The following GPHN variants were observed in gnomAD, a reference collection of about 807,000 sequenced individuals.
GPHN encodes gephyrin.
A neutral mutation model predicts 95.5 loss-of-function variants in GPHN; 17 were observed. That is an observed-to-expected ratio of 0.18 (90% CI 0.12 to 0.27). GPHN has a LOEUF of 0.27. GPHN is among the 10% of genes least tolerant of loss of function. The pLI, the probability that GPHN is intolerant of heterozygous loss-of-function variation, is 1.00. For missense variants in GPHN, 660 were observed against 978.1 expected (o/e 0.67, Z 4.34); for synonymous variants, 320 against 322.5 (o/e 0.99, Z 0.08).
intron 8 of GPHN, among the ~76,000 whole-genome samples, chr14:66,945,733 G>T (rs1267453543): frequency 6.6e-6 from 1 of 152,118 alleles, no homozygotes; most frequent in African/African-American, 2.4e-5. Context: ...GTTTTAAAAA[G>T]GTAAAAGAAA....
At chr14:67,604,007 T>G in the GPHN span, among the ~76,000 whole-genome samples, 1 of 152,148 alleles carries the variant, frequency 6.6e-6, no homozygotes, top group South Asian at 2.1e-4. Context: ...TTTTTGTTTT[T>G]TTTTTGAGAC....
chr14:67,056,809 G>A (rs2075593841), intron 10 of GPHN, among the ~76,000 whole-genome samples: 1 of 150,296 alleles, frequency 6.7e-6, no homozygotes, highest in Non-Finnish European at 1.5e-5. Flanking sequence ...CCACAGTGGG[G>A]GTGGGGGGGG....
chr14:66,528,514 G>C (rs954617492), intron 1 of GPHN, among the ~76,000 whole-genome samples: 10 of 152,134 alleles, frequency 6.6e-5, no homozygotes, highest in African/African-American at 2.4e-4. Context: ...TATGATACTA[G>C]CTGGTTATTT....
chr14:67,122,181 G>A, intron 16 of GPHN, 75 bp from the exon 17 acceptor site: 5 of 1,470,386 alleles, frequency 3.4e-6, no homozygotes, highest in Non-Finnish European at 9.5e-7. Context: ...ACTCAGTTTA[G>A]TAGATTTTTT....
intron 11 of GPHN, among the ~76,000 whole-genome samples, chr14:67,071,841 G>A (rs1007734714): frequency 1.3e-5 from 2 of 151,578 alleles, no homozygotes; most frequent in Non-Finnish European, 2.9e-5. Flanking sequence ...ATAGAAAATT[G>A]AAAAAAGCAC....
At chr14:67,360,143 G>A in the GPHN span, 1 of 415,600 alleles carries the variant, frequency 2.4e-6, no homozygotes, top group Non-Finnish European at 4.3e-6. Flanking sequence ...GCAAGGAATC[G>A]GAGTCCTATG....
At chr14:66,813,300 A>T (rs746562529) in intron 3 of GPHN, among the ~76,000 whole-genome samples, 11 of 152,258 alleles carry the variant, frequency 7.2e-5, no homozygotes, top group Non-Finnish European at 1.3e-4. Context: ...AGACACAGAC[A>T]AGTGGAACAG....
At chr14:66,572,509 T>G (rs2060736971) in intron 1 of GPHN, among the ~76,000 whole-genome samples, 1 of 151,832 alleles carries the variant, frequency 6.6e-6, no homozygotes, top group Admixed American at 6.6e-5. Flanking sequence ...TGTGTGTGTA[T>G]ACGTCTGTTT....
intron 5 of GPHN, among the ~76,000 whole-genome samples, chr14:66,909,101 A>G (rs1010507161): frequency 6.6e-6 from 1 of 152,144 alleles, no homozygotes. Flanking sequence ...TTCCATAATA[A>G]TACAAGATGT....
intron 13 of GPHN, among the ~76,000 whole-genome samples, chr14:67,102,055 G>A (rs1463481274): frequency 2.0e-5 from 3 of 151,652 alleles, no homozygotes; most frequent in Non-Finnish European, 4.4e-5. Flanking sequence ...TGTATTTTTA[G>A]TAGAGAGGGG....
At chr14:67,445,577 CTTTTTTT>C in the GPHN span, among the ~76,000 whole-genome samples, 16 of 59,924 alleles carry the variant, frequency 2.7e-4, 2 homozygotes, top group South Asian at 6.8e-4. Context: ...AGAGGCAATT[CTTTTTTT>C]TTTTTTTTTT....
At chr14:66,805,896 G>A (rs1283521387) in intron 3 of GPHN, among the ~76,000 whole-genome samples, 1 of 152,148 alleles carries the variant, frequency 6.6e-6, no homozygotes, top group African/African-American at 2.4e-5. Context: ...CTGGGGTCTG[G>A]AGGATGGTGG....
In GPHN at chr14:66,789,831, T is replaced by G. The variant is rs1418642231; in HGVS notation, c.201+13310T>G. On this transcript the variant is annotated intron_variant, in intron 3 of 22. Transcript: ENST00000478722. ...TCTGTAATCCAAACGTGCAGAGAGC[T>G]GAGTATCTTTCCATAACTGACATTA... is the stretch of plus-strand genomic sequence containing the variant. Among the ~76,000 whole-genome samples the G allele has an allele frequency of 2.0e-5, 3 of 152,216 alleles. No individual in the cohort carries two copies. In the South Asian group the frequency reaches 6.2e-4, roughly 31 times the overall value.
the GPHN span, among the ~76,000 whole-genome samples, chr14:67,725,428 G>A: frequency 6.6e-6 from 1 of 152,212 alleles, no homozygotes; most frequent in Non-Finnish European, 1.5e-5. Flanking sequence ...TAGATAGACT[G>A]GGCAGGATCC....
At chr14:67,687,466 CCTT>C in the GPHN span, among the ~76,000 whole-genome samples, 12,359 of 116,500 alleles carry the variant, frequency 0.11, 666 homozygotes, top group Non-Finnish European at 0.14. Context: ...CCTCCATATT[CCTT>C]TTTTTTTTTT....
the GPHN span, among the ~76,000 whole-genome samples, chr14:67,318,533 A>C: frequency 6.6e-6 from 1 of 152,240 alleles, no homozygotes; most frequent in Non-Finnish European, 1.5e-5. Context: ...CACTGAGTCT[A>C]TAAATTAAAA....
chr14:66,633,016 C>T (rs891417393), intron 1 of GPHN, among the ~76,000 whole-genome samples: 8 of 152,296 alleles, frequency 5.3e-5, no homozygotes, highest in East Asian at 3.9e-4. Context: ...TTCTTCACAA[C>T]GTCATTCGAA....
At chr14:66,686,045 T>A (rs1226877501) in intron 2 of GPHN, among the ~76,000 whole-genome samples, 2 of 152,224 alleles carry the variant, frequency 1.3e-5, no homozygotes, top group Non-Finnish European at 2.9e-5. Flanking sequence ...TTGTCAAAGA[T>A]CAGATGGTTG....
At chr14:67,423,992 C>T in the GPHN span, among the ~76,000 whole-genome samples, 1 of 152,188 alleles carries the variant, frequency 6.6e-6, no homozygotes, top group East Asian at 1.9e-4. Context: ...AATCCCAGCA[C>T]TTTGGGAGGC....
Sources: gnomAD v4.1 joint callset for allele counts (sites outside exome capture counted in the v4.1 genomes callset) on GRCh38, gnomAD v4.1.1 for gene constraint, MANE v1.5 for transcripts, NCBI Gene and HGNC (gene_info 2026-07-23, HGNC 2026-07-21) for gene names.